STAT4: variants seen among roughly 807,000 people sequenced by gnomAD.
The protein encoded by STAT4 is signal transducer and activator of transcription 4.
STAT4 carries 42 observed loss-of-function variants against 110.5 expected under a neutral mutation model. That is an observed-to-expected ratio of 0.38 (90% confidence interval 0.30 to 0.49). STAT4 has a LOEUF of 0.49. STAT4 is among the 20% of genes least tolerant of loss of function. The probability of loss-of-function intolerance (pLI) is 0.95; values close to 1 mark genes in which losing one functional copy is unlikely to be tolerated. For missense variants in STAT4, 632 were observed against 887.9 expected (o/e 0.71, Z 3.66); for synonymous variants, 284 against 302.2 (o/e 0.94, Z 0.63).
At chr2:191,131,942 A>G in intron 3 of STAT4, 1 of 1,311,660 alleles carries the variant, frequency 7.6e-7, no homozygotes, top group Non-Finnish European at 9.8e-7. Flanking sequence ...ACACTTGTGG[A>G]GGTGTGTGTT....
Position 191,140,680 on chromosome 2 carries a change from T to C in STAT4, c.273+5933A>G, listed in dbSNP as rs1275319094. Among the ~76,000 whole-genome samples the C allele has an allele frequency of 6.6e-6, 1 of 152,206 alleles. No homozygotes were observed. Among genetic ancestry groups the C allele is most frequent in the Non-Finnish European group, 1.5e-5 (1 of 68,032 alleles). On this transcript the variant is annotated intron_variant, in intron 3 of 23. Transcript: ENST00000392320. This position sits in a 1 kb window ranked among gnomAD's most constrained non-coding sequence, Gnocchi z 4.4. ...AGTACAACCACCATGGAAAACAGTA[T>C]GGAGATTCCTCAAAGAAAAGCAGAA...
At chr2:191,124,447 C>T (rs913620277) in intron 3 of STAT4, among the ~76,000 whole-genome samples, 8 of 98,440 alleles carry the variant, frequency 8.1e-5, no homozygotes, top group African/African-American at 2.8e-4. Flanking sequence ...GAGTGAGACG[C>T]CGTCTCAAAA....
In STAT4 at chr2:191,090,679, G is replaced by A. The variant is rs2125307227; in HGVS notation, c.274-14354C>T. On this transcript the variant is annotated intron_variant, in intron 3 of 23. Transcript: ENST00000392320. This position sits in a 1 kb window ranked among gnomAD's most constrained non-coding sequence, Gnocchi z 4.2. ...GAGTTCATGCCATTCTCCTGCCTCA[G>A]CCTCCCGAGCAGCTGGGACTAGAGG... 6.6e-6 allele frequency among the ~76,000 whole-genome samples: 1 copy of A among 152,172 alleles called. No individual in the cohort carries two copies. The highest frequency in any genetic ancestry group is 2.1e-4 in the South Asian group (1 of 4,824).
In STAT4 at chr2:191,058,977, G is replaced by A. The variant is rs1475108173; in HGVS notation, c.1035-208C>T. On this transcript the variant is annotated intron_variant, in intron 10 of 23. Transcript: ENST00000392320. The surrounding 1 kb of genome is among the most constrained non-coding windows in gnomAD (Gnocchi z 4.3). ...TAATGTTGACATCAGTCACTTAATA[G>A]CATTATTGGCAAACATTTGGAAGTG... Among the ~76,000 whole-genome samples the A allele has an allele frequency of 6.6e-6, 1 of 151,824 alleles. No individual in the cohort carries two copies. The highest frequency in any genetic ancestry group is 6.6e-5 in the Admixed American group (1 of 15,242).
chr2:191,107,443 A>G lies in STAT4; in HGVS notation c.274-31118T>C, dbSNP rs142984760. On this transcript the variant is annotated intron_variant, in intron 3 of 23. Transcript: ENST00000392320. This position sits in a 1 kb window ranked among gnomAD's most constrained non-coding sequence, Gnocchi z 4.2. ...GTCATTTGGTCCCCACAACAGCCCTATAGTAATGGGCATAATACTATTACT... is the reference window on the plus strand; with the variant it reads ...GTCATTTGGTCCCCACAACAGCCCTGTAGTAATGGGCATAATACTATTACT... Among the ~76,000 whole-genome samples, 2 of 152,336 alleles carry G rather than the reference A, an allele frequency of 1.3e-5. No individual in the cohort carries two copies. Among genetic ancestry groups the G allele is most frequent in the Admixed American group, 1.3e-4 (2 of 15,302 alleles).
chr2:191,121,327 G>C (rs531963731), intron 3 of STAT4, among the ~76,000 whole-genome samples: 15 of 152,270 alleles, frequency 9.9e-5, no homozygotes, highest in East Asian at 7.7e-4. Context: ...GTTGGTGGGA[G>C]TGTAAACTAG....
At position 191,066,895 on chromosome 2, in the gene STAT4, C is replaced by T. The variant is rs142433102; in HGVS notation, c.545-380G>A. Among the ~76,000 whole-genome samples the T allele has an allele frequency of 1.2e-3, 178 of 151,986 alleles. 3 individuals carry two copies. Among genetic ancestry groups the T allele is most frequent in the African/African-American group, 4.0e-3 (164 of 41,442 alleles). On this transcript the variant is annotated intron_variant, in intron 6 of 23. Coordinates refer to ENST00000392320, the MANE Select transcript of STAT4 (RefSeq NM_003151.4). The surrounding 1 kb of genome is among the most constrained non-coding windows in gnomAD (Gnocchi z 4.3). The stretch of plus-strand genomic sequence containing the variant: ...GGAAAGCAGGGATCACCCTTTGTGC[C>T]CCTGATTAAATCATATTTGACTCTC...
Position 191,030,323 on chromosome 2 carries a change from C to A in STAT4, c.2221-457G>T, listed in dbSNP as rs140172977. ...CTATTATATTATTCTGATGTATGTT[C>A]ACTTTCATGTAAATTGGGGGTTTGA... On this transcript the variant is annotated intron_variant, in intron 23 of 23. Coordinates refer to ENST00000392320, the MANE Select transcript of STAT4 (RefSeq NM_003151.4). This position sits in a 1 kb window ranked among gnomAD's most constrained non-coding sequence, Gnocchi z 4.4. 1.1e-4 allele frequency among the ~76,000 whole-genome samples: 16 copies of A among 152,238 alleles called. No individual in the cohort carries two copies. The highest frequency in any genetic ancestry group is 3.6e-4 in the African/African-American group (15 of 41,534).
In STAT4 at chr2:191,090,385, C is replaced by A. The variant is rs964115877; in HGVS notation, c.274-14060G>T. ...AGTTAGCTTTAAATTCTCTCATCGT[C>A]GCAAAGGTTTTCTTGATAAAAGAAA... On this transcript the variant is annotated intron_variant, in intron 3 of 23. Transcript: ENST00000392320. This position sits in a 1 kb window ranked among gnomAD's most constrained non-coding sequence, Gnocchi z 4.2. Among the ~76,000 whole-genome samples, 1 of 151,886 alleles carries A rather than the reference C, an allele frequency of 6.6e-6. No individual in the cohort carries two copies. The highest frequency in any genetic ancestry group is 1.5e-5 in the Non-Finnish European group (1 of 67,992).
At chr2:191,055,909 T>C (rs886465381) in intron 13 of STAT4, among the ~76,000 whole-genome samples, 9 of 152,192 alleles carry the variant, frequency 5.9e-5, no homozygotes, top group Admixed American at 4.6e-4. Context: ...TTACTAAACA[T>C]GGCCCCTTGT....
Position 191,037,518 on chromosome 2 carries a change from A to G in STAT4, c.1435-1219T>C, listed in dbSNP as rs1385735910. On this transcript the variant is annotated intron_variant, in intron 16 of 23. Coordinates refer to ENST00000392320, the MANE Select transcript of STAT4 (RefSeq NM_003151.4). The surrounding 1 kb of genome is among the most constrained non-coding windows in gnomAD (Gnocchi z 4.8). ...TTGTGCCAGAAACCAGGTCAACAAT[A>G]GTGAAACATAAGACTCTGTCCCAGA... Among the ~76,000 whole-genome samples, 1 of 152,210 alleles carries G rather than the reference A, an allele frequency of 6.6e-6. No homozygotes were observed. The highest frequency in any genetic ancestry group is 2.4e-5 in the African/African-American group (1 of 41,460).
At chr2:191,098,732 A>T (rs1698075370) in intron 3 of STAT4, among the ~76,000 whole-genome samples, 1 of 152,228 alleles carries the variant, frequency 6.6e-6, no homozygotes, top group Admixed American at 6.5e-5. Flanking sequence ...CGTTGTGCAC[A>T]TGTACCCTAG....
In STAT4 at chr2:191,099,078, A is replaced by G. The variant is rs1698085838; in HGVS notation, c.274-22753T>C. On this transcript the variant is annotated intron_variant, in intron 3 of 23. Coordinates refer to ENST00000392320, the MANE Select transcript of STAT4 (RefSeq NM_003151.4). The surrounding 1 kb of genome is among the most constrained non-coding windows in gnomAD (Gnocchi z 4.1). ...GTGAATGGGAAATTCACAAAAGAAT[A>G]CATCCAAATGACCAATAAATGTGGG... Among the ~76,000 whole-genome samples the G allele has an allele frequency of 6.6e-6, 1 of 152,084 alleles. No individual in the cohort carries two copies. Among genetic ancestry groups the G allele is most frequent in the African/African-American group, 2.4e-5 (1 of 41,452 alleles).
Position 191,082,793 on chromosome 2 carries a change from C to T in STAT4, c.274-6468G>A, listed in dbSNP as rs886150690. ...AGTCAGAAGTAATAGATGTGAGAAGCCCTGTTCAAAATAATCTTCTTCATA... is the reference window on the plus strand; with the variant it reads ...AGTCAGAAGTAATAGATGTGAGAAGTCCTGTTCAAAATAATCTTCTTCATA... On this transcript the variant is annotated intron_variant, in intron 3 of 23. Coordinates refer to ENST00000392320, the MANE Select transcript of STAT4 (RefSeq NM_003151.4). The surrounding 1 kb of genome is among the most constrained non-coding windows in gnomAD (Gnocchi z 4.7). 1.4e-4 allele frequency among the ~76,000 whole-genome samples: 21 copies of T among 152,122 alleles called. No homozygotes were observed. The highest frequency in any genetic ancestry group is 5.1e-4 in the African/African-American group (21 of 41,420).
At position 191,090,566 on chromosome 2, in the gene STAT4, G is replaced by T. The variant is rs1192505992; in HGVS notation, c.274-14241C>A. Among the ~76,000 whole-genome samples the T allele has an allele frequency of 6.6e-6, 1 of 151,780 alleles. No homozygotes were observed. The highest frequency in any genetic ancestry group is 2.4e-5 in the African/African-American group (1 of 41,326). On this transcript the variant is annotated intron_variant, in intron 3 of 23. Transcript: ENST00000392320. The surrounding 1 kb of genome is among the most constrained non-coding windows in gnomAD (Gnocchi z 4.2). ...TTATTTATTTTTAAACTACTACTTG[G>T]TTTGTTTGTTTGAGACAGAGTCTTG...
In STAT4 at chr2:191,035,281, A is replaced by G. The variant is rs1464882292; in HGVS notation, c.1571-684T>C. Among the ~76,000 whole-genome samples the G allele has an allele frequency of 2.0e-5, 3 of 152,264 alleles. No individual in the cohort carries two copies. ...AATGCTATTGCTGCTTATGAATTAA[A>G]TAAGGATCAAAACATGTATTTCCAT... On this transcript the variant is annotated intron_variant, in intron 17 of 23. Transcript: ENST00000392320. The surrounding 1 kb of genome is among the most constrained non-coding windows in gnomAD (Gnocchi z 4.7).
rs533094042 is a variant in STAT4 at position 191,030,062 on chromosome 2, A to G, written c.2221-196T>C. ...CTAAAATAAAAGGTACCTTTCAAGGAGACAGAAAAGTGTTTTAAGAAAAAG... is the reference window on the plus strand; with the variant it reads ...CTAAAATAAAAGGTACCTTTCAAGGGGACAGAAAAGTGTTTTAAGAAAAAG... On this transcript the variant is annotated intron_variant, in intron 23 of 23. Transcript: ENST00000392320. This position sits in a 1 kb window ranked among gnomAD's most constrained non-coding sequence, Gnocchi z 4.4. Among the ~76,000 whole-genome samples, 4 of 152,344 alleles carry G rather than the reference A, an allele frequency of 2.6e-5. No individual in the cohort carries two copies. The highest frequency in any genetic ancestry group is 4.1e-4 in the South Asian group (2 of 4,824).
At position 191,058,815 on chromosome 2, in the gene STAT4, G is replaced by A; in HGVS notation, c.1035-46C>T. On this transcript the variant is annotated intron_variant, in intron 10 of 23. Coordinates refer to ENST00000392320, the MANE Select transcript of STAT4 (RefSeq NM_003151.4). The surrounding 1 kb of genome is among the most constrained non-coding windows in gnomAD (Gnocchi z 4.3). Reference sequence around the variant, plus strand: ...AAAAAATCAAAGATAAAAATTAAAAGTGTTTAAAAACCCTTTTTTATATTT... The same window carrying A: ...AAAAAATCAAAGATAAAAATTAAAAATGTTTAAAAACCCTTTTTTATATTT... 1 of 1,229,328 alleles carries A rather than the reference G, an allele frequency of 8.1e-7. No homozygotes were observed. The highest frequency in any genetic ancestry group is 1.2e-6 in the Non-Finnish European group (1 of 863,410). The allele number at this position is 1,229,328 out of a possible 1,614,324, so 76.2% of individuals were successfully genotyped here.
In STAT4 at chr2:191,058,091, C is replaced by G; in HGVS notation, c.1133G>C (p.Cys378Ser). 6.2e-7 allele frequency: 1 copy of G among 1,613,996 alleles called. No individual in the cohort carries two copies. The highest frequency in any genetic ancestry group is 1.3e-5 in the African/African-American group (1 of 75,044). Residue 378 changes from cysteine (C) to serine (S), a missense_variant, in exon 13 of 24, where the codon TGT becomes TCT. Around this residue, in one of 4 missense-constraint regions of STAT4, gnomAD observed 488 missense variants for 632.8 expected, o/e 0.77. Coordinates refer to ENST00000392320, the MANE Select transcript of STAT4 (RefSeq NM_003151.4). This position sits in a 1 kb window ranked among gnomAD's most constrained non-coding sequence, Gnocchi z 4.3. The part of the protein sequence containing the change: ...STLSNRRFVL[C>S]GTNVKAMSIE... ...AGACATGGCTTTGACATTAGTTCCA[C>G]AAAGTACAAATCTTCGGTTGCTGGA...
Sources: allele counts gnomAD v4.1 joint callset (sites outside exome capture counted in the v4.1 genomes callset), GRCh38; gene constraint gnomAD v4.1.1; regional missense constraint gnomAD v4.1.1; non-coding constraint Gnocchi (gnomAD v3.1); transcripts MANE v1.5; gene names NCBI Gene and HGNC (gene_info 2026-07-23, HGNC 2026-07-21).